PCDHA6: variants seen among roughly 807,000 people sequenced by gnomAD.
PCDHA6 encodes protocadherin alpha 6.
A neutral mutation model predicts 60.3 loss-of-function variants in PCDHA6; 55 were observed. The observed-to-expected ratio is 0.91, with a 90% CI of 0.73 to 1.14. The LOEUF (loss-of-function observed/expected upper bound fraction) is 1.14. PCDHA6 is among the 50% of genes most tolerant of loss of function. PCDHA6 has a pLI of 0.00. For synonymous variants in PCDHA6, 652 were observed against 557.9 expected, an observed-to-expected ratio of 1.17 and a Z score of -2.38; for missense variants, 1,327 against 1,256.5, an observed-to-expected ratio of 1.06 and a Z score of -0.85.
intron 1 of PCDHA6, among the ~76,000 whole-genome samples, chr5:140,900,589 C>T (rs782244593): frequency 1.5e-4 from 23 of 152,164 alleles, no homozygotes; most frequent in South Asian, 1.2e-3. Flanking sequence ...TTTCTTTACC[C>T]GTTCATCTGA....
At chr5:140,903,636 T>C (rs1330875573) in intron 1 of PCDHA6, among the ~76,000 whole-genome samples, 3 of 152,236 alleles carry the variant, frequency 2.0e-5, no homozygotes, top group African/African-American at 7.2e-5. Context: ...TGTATGCATA[T>C]ACCATATACA....
intron 1 of PCDHA6, chr5:140,843,540 T>C: frequency 6.3e-7 from 1 of 1,595,966 alleles, no homozygotes; most frequent in Non-Finnish European, 8.6e-7. Context: ...CCCACTCTGG[T>C]GTGCTCCAGT....
In PCDHA6 at chr5:140,850,658, G is replaced by T. The variant is rs2150492440; in HGVS notation, c.2394+20173G>T. On this transcript the variant is annotated intron_variant, in intron 1 of 3. Transcript: ENST00000529310. The stretch of plus-strand genomic sequence containing the variant: ...TCACGCTGCTGCTGTACACTGTGCT[G>T]CGGTGCTCGGCGATGCCCACCGAGG... 24 of 1,598,502 alleles carry T rather than the reference G, an allele frequency of 1.5e-5. 1 individual carries two copies. Among genetic ancestry groups the T allele is most frequent in the African/African-American group, 5.4e-5 (4 of 74,388 alleles).
At chr5:140,916,603 G>A (rs782815026) in intron 1 of PCDHA6, among the ~76,000 whole-genome samples, 4 of 152,152 alleles carry the variant, frequency 2.6e-5, no homozygotes, top group South Asian at 2.1e-4. Flanking sequence ...CCTGGAATGC[G>A]GGCCTCATGA....
At chr5:140,841,614 G>T in intron 1 of PCDHA6, 2 of 1,614,122 alleles carry the variant, frequency 1.2e-6, no homozygotes, top group South Asian at 1.1e-5. Context: ...CTGTGCGGGC[G>T]GAGCGCGGAG....
At chr5:140,891,855 C>T (rs1282802499) in intron 1 of PCDHA6, among the ~76,000 whole-genome samples, 1 of 152,156 alleles carries the variant, frequency 6.6e-6, no homozygotes, top group Admixed American at 6.6e-5. Flanking sequence ...GAGCCTGTCC[C>T]TCTCTTATGC....
At chr5:140,927,015 G>C in intron 1 of PCDHA6, 1 of 1,612,466 alleles carries the variant, frequency 6.2e-7, no homozygotes, top group Non-Finnish European at 8.5e-7. Context: ...ATCTCTCCGC[G>C]GACTTGAGGC....
At chr5:140,977,588 A>G (rs1237547807) in intron 1 of PCDHA6, among the ~76,000 whole-genome samples, 1 of 152,182 alleles carries the variant, frequency 6.6e-6, no homozygotes, top group Non-Finnish European at 1.5e-5. Context: ...GAGAGCAGTT[A>G]GCATGTGAGG....
chr5:140,847,831 C>T (rs2150404458), intron 1 of PCDHA6: 1 of 149,692 alleles, frequency 6.7e-6, no homozygotes, highest in East Asian at 1.9e-4. Flanking sequence ...AAGAAAACTA[C>T]CTCAGTTGGT....
At chr5:140,967,046 C>T in intron 1 of PCDHA6, 1 of 1,612,334 alleles carries the variant, frequency 6.2e-7, no homozygotes, top group African/African-American at 1.3e-5. Context: ...GGAGCTGGAC[C>T]TGACGAGTGG....
At chr5:140,949,991 A>T (rs1585353048) in intron 1 of PCDHA6, among the ~76,000 whole-genome samples, 1 of 151,822 alleles carries the variant, frequency 6.6e-6, no homozygotes, top group East Asian at 1.9e-4. Flanking sequence ...AACTTTTCTC[A>T]GTCCACTTAA....
intron 1 of PCDHA6, among the ~76,000 whole-genome samples, chr5:140,888,469 T>C (rs892080299): frequency 2.0e-5 from 3 of 152,230 alleles, no homozygotes; most frequent in South Asian, 4.1e-4. Flanking sequence ...AAAATGTCAG[T>C]AGTTCCACTG....
chr5:140,987,636 C>A (rs569411440), intron 3 of PCDHA6, among the ~76,000 whole-genome samples: 1 of 152,256 alleles, frequency 6.6e-6, no homozygotes, highest in African/African-American at 2.4e-5. Context: ...TGAGATAATG[C>A]ACACATATTG....
chr5:140,848,337 CAA>C, intron 1 of PCDHA6: 2 of 873,308 alleles, frequency 2.3e-6, no homozygotes, highest in Non-Finnish European at 3.6e-6. Flanking sequence ...TGAATCCAGA[CAA>C]ATACAGCCCT....
chr5:140,928,616 G>A, intron 1 of PCDHA6: 2 of 1,614,226 alleles, frequency 1.2e-6, no homozygotes, highest in Non-Finnish European at 8.5e-7. Flanking sequence ...CGCTCTGCCA[G>A]GACTGGACAC....
intron 1 of PCDHA6, among the ~76,000 whole-genome samples, chr5:140,846,820 A>G (rs1780694955): frequency 6.7e-6 from 1 of 149,706 alleles, no homozygotes; most frequent in Non-Finnish European, 1.5e-5. Flanking sequence ...TTTGAGGTCA[A>G]ATAAAGAATA....
At chr5:140,924,670 C>A (rs2081947196) in intron 1 of PCDHA6, among the ~76,000 whole-genome samples, 1 of 151,926 alleles carries the variant, frequency 6.6e-6, no homozygotes, top group African/African-American at 2.4e-5. Flanking sequence ...CGAGGCAGGC[C>A]AATCACTTGA....
chr5:140,843,571 C>T lies in PCDHA6; in HGVS notation c.2394+13086C>T, dbSNP rs1230037847. ...CCAGTGCGGTGGGGAGCTGGTCATA[C>T]TCGCAACAACAGCCGCAGAGGGTGT... On this transcript the variant is annotated intron_variant, in intron 1 of 3. Transcript: ENST00000529310. The T allele has an allele frequency of 3.8e-6, 6 of 1,595,858 alleles. 1 individual carries two copies. In the African/African-American group the frequency reaches 8.1e-5, roughly 21 times the overall value.
At chr5:140,851,813 A>G in intron 1 of PCDHA6, 1 of 954,990 alleles carries the variant, frequency 1.0e-6, no homozygotes, top group Non-Finnish European at 1.3e-6. Flanking sequence ...AATCCATAAG[A>G]CAGAAATCTG....
Sources: gnomAD v4.1 joint callset for allele counts (sites outside exome capture counted in the v4.1 genomes callset) on GRCh38, gnomAD v4.1.1 for gene constraint, MANE v1.5 for transcripts, NCBI Gene and HGNC (gene_info 2026-07-23, HGNC 2026-07-21) for gene names.